Variants in ADRA1A observed in about 807,000 individuals in gnomAD.
The protein encoded by ADRA1A is adrenoceptor alpha 1A.
Under a neutral mutation model 29.6 loss-of-function variants are expected in ADRA1A, and 31 were observed. The observed-to-expected ratio is 1.05, with a 90% CI of 0.79 to 1.41. The LOEUF is 1.41. Among genes scored for constraint, ADRA1A ranks in the 40% most tolerant of loss-of-function variants. The pLI is 0.00. For synonymous variants in ADRA1A, 311 were observed against 254.3 expected (o/e 1.22, Z -2.12); for missense variants, 619 against 601.1 (o/e 1.03, Z -0.31).
chr8:26,797,471 A>AT (rs1311561228), intron 2 of ADRA1A, among the ~76,000 whole-genome samples: 15 of 151,268 alleles, frequency 9.9e-5, no homozygotes, highest in African/African-American at 3.2e-4. Context: ...TAATTTTTTG[A>AT]TTTTTTTTGT....
Position 26,841,226 on chromosome 8 carries a change from T to C in ADRA1A, c.883+22861A>G, listed in dbSNP as rs1385469809. ...AAATGGAAAGCAATCACAAAAAGAA[T>C]CCAGTGGAAGGGAAGTGGGAAGTAG... On this transcript the variant is annotated intron_variant, in intron 2 of 2. Transcript: ENST00000380573. This position sits in a 1 kb window ranked among gnomAD's most constrained non-coding sequence, Gnocchi z 4.4. Among the ~76,000 whole-genome samples the C allele has an allele frequency of 6.6e-6, 1 of 152,096 alleles. No homozygotes were observed. The highest frequency in any genetic ancestry group is 1.5e-5 in the Non-Finnish European group (1 of 68,002).
chr8:26,793,123 T>C (rs1220440320), intron 2 of ADRA1A, among the ~76,000 whole-genome samples: 3 of 151,938 alleles, frequency 2.0e-5, no homozygotes, highest in Non-Finnish European at 4.4e-5. Flanking sequence ...GACAGGATTA[T>C]TTTAGGTTGA....
At chr8:26,855,288 T>A (rs1812956603) in intron 2 of ADRA1A, among the ~76,000 whole-genome samples, 2 of 151,836 alleles carry the variant, frequency 1.3e-5, no homozygotes, top group Admixed American at 1.3e-4. Context: ...AAAGATCACA[T>A]CCGTTTTTGG....
At chr8:26,829,512 T>C (rs1466723541) in intron 2 of ADRA1A, among the ~76,000 whole-genome samples, 2 of 152,142 alleles carry the variant, frequency 1.3e-5, no homozygotes, top group Admixed American at 1.3e-4. Context: ...AATTAGATTA[T>C]AAATTTTACC....
chr8:26,856,816 C>T (rs1429723302), intron 2 of ADRA1A, among the ~76,000 whole-genome samples: 3 of 152,180 alleles, frequency 2.0e-5, no homozygotes, highest in Non-Finnish European at 4.4e-5. Context: ...ATGTCTATCT[C>T]CTTCTGGAGA....
At chr8:26,839,157 A>AT (rs11352512) in intron 2 of ADRA1A, among the ~76,000 whole-genome samples, 1,839 of 119,912 alleles carry the variant, frequency 0.015, 22 homozygotes, top group South Asian at 0.045. Context: ...TCTGTGAAGA[A>AT]TTTTTTTTTT....
At chr8:26,835,293 A>T (rs957373246) in intron 2 of ADRA1A, among the ~76,000 whole-genome samples, 5 of 152,182 alleles carry the variant, frequency 3.3e-5, no homozygotes, top group Admixed American at 3.3e-4. Context: ...CCTCTCCAAC[A>T]ACACTATTTT....
intron 2 of ADRA1A, among the ~76,000 whole-genome samples, chr8:26,789,149 G>T (rs1807627911): frequency 6.0e-5 from 9 of 150,756 alleles, no homozygotes; most frequent in Admixed American, 5.3e-4. Flanking sequence ...CCCCTAAATT[G>T]TTTTTAAAAA....
At chr8:26,788,829 G>A in intron 2 of ADRA1A, among the ~76,000 whole-genome samples, 1 of 152,116 alleles carries the variant, frequency 6.6e-6, no homozygotes, top group Non-Finnish European at 1.5e-5. Context: ...GCTGTATAGT[G>A]CTGTGTGCTT....
chr8:26,820,020 A>G lies in ADRA1A; in HGVS notation c.883+44067T>C, dbSNP rs1213843791. ...TCACCACAGAAAAAAAGGTCGTTAT[A>G]TAATGATAAAGGGGTCAATTAACCA... On this transcript the variant is annotated intron_variant, in intron 2 of 2. Transcript: ENST00000380573. Among the ~76,000 whole-genome samples, 8 of 152,366 alleles carry G rather than the reference A, an allele frequency of 5.3e-5. No individual in the cohort carries two copies. In the South Asian group the frequency reaches 1.4e-3, roughly 28 times the overall value.
At chr8:26,828,699 C>T (rs2130637844) in intron 2 of ADRA1A, among the ~76,000 whole-genome samples, 1 of 152,068 alleles carries the variant, frequency 6.6e-6, no homozygotes. Flanking sequence ...CATTCTCTGT[C>T]GAACTCTCCT....
At chr8:26,794,868 TG>T (rs1326707140) in intron 2 of ADRA1A, among the ~76,000 whole-genome samples, 1 of 152,052 alleles carries the variant, frequency 6.6e-6, no homozygotes, top group African/African-American at 2.4e-5. Context: ...TAATGAACAA[TG>T]TTCTAGAAGA....
At chr8:26,750,886 A>G (rs1301054444) in intron 2 of ADRA1A, among the ~76,000 whole-genome samples, 3 of 152,294 alleles carry the variant, frequency 2.0e-5, no homozygotes, top group African/African-American at 4.8e-5. Flanking sequence ...CCTGACCAAC[A>G]TGGAGAAACC....
At chr8:26,783,524 T>C (rs1033380557) in intron 2 of ADRA1A, among the ~76,000 whole-genome samples, 3 of 152,326 alleles carry the variant, frequency 2.0e-5, no homozygotes, top group Admixed American at 1.3e-4. Context: ...CCAAAGAATA[T>C]TCAGAATGAG....
At chr8:26,811,846 C>T (rs1333590203) in intron 2 of ADRA1A, among the ~76,000 whole-genome samples, 1 of 152,140 alleles carries the variant, frequency 6.6e-6, no homozygotes, top group African/African-American at 2.4e-5. Flanking sequence ...CTATTTGTGC[C>T]TGACTTTGTT....
chr8:26,761,374 G>A (rs1317972648), downstream of ADRA1A, among the ~76,000 whole-genome samples: 2 of 152,172 alleles, frequency 1.3e-5, no homozygotes, highest in Non-Finnish European at 2.9e-5. Flanking sequence ...GCTCAAATGA[G>A]TCTCCTACAG....
At chr8:26,797,202 C>G (rs1808245206) in intron 2 of ADRA1A, among the ~76,000 whole-genome samples, 1 of 152,118 alleles carries the variant, frequency 6.6e-6, no homozygotes, top group Non-Finnish European at 1.5e-5. Context: ...AACAATATTA[C>G]CCCCTCACTG....
rs1805979998 is a variant in ADRA1A at position 26,769,483 on chromosome 8, A to T, written c.*666T>A. On this transcript the variant is annotated 3_prime_UTR_variant, in exon 3 of 3. Coordinates refer to ENST00000380573, the MANE Select transcript of ADRA1A (RefSeq NM_000680.4). ...CTCTCCTGACCCAAGGATAGAGAAC[A>T]CTACATTCCAAGACATCATGAGTGC... 2.0e-6 allele frequency: 2 copies of T among 985,312 alleles called. No individual in the cohort carries two copies. The highest frequency in any genetic ancestry group is 3.5e-5 in the African/African-American group (2 of 57,240). The allele number at this position is 985,312 out of a possible 1,614,324, so 61.0% of individuals were successfully genotyped here.
intron 2 of ADRA1A, among the ~76,000 whole-genome samples, chr8:26,833,070 A>G (rs1443470924): frequency 6.6e-6 from 1 of 152,182 alleles, no homozygotes; most frequent in Admixed American, 6.5e-5. Context: ...GTAAAGTTAT[A>G]GATATACGTG....
Sources: allele counts gnomAD v4.1 joint callset (sites outside exome capture counted in the v4.1 genomes callset), GRCh38; gene constraint gnomAD v4.1.1; non-coding constraint Gnocchi (gnomAD v3.1); transcripts MANE v1.5; gene names NCBI Gene and HGNC (gene_info 2026-07-23, HGNC 2026-07-21).